KCNC2: variants seen among roughly 807,000 people sequenced by gnomAD.
The protein encoded by KCNC2 is voltage-gated potassium channel KCNC2.
In KCNC2, 21 loss-of-function variants were observed where a neutral mutation model predicts 44.5. The observed-to-expected ratio is 0.47, with a 90% CI of 0.33 to 0.68. KCNC2 has a LOEUF of 0.68. Among genes scored for constraint, KCNC2 ranks in the 30% least tolerant of loss-of-function variants. KCNC2 has a pLI of 0.01. For missense variants in KCNC2, 589 were observed against 826.2 expected (o/e 0.71, Z 3.52); for synonymous variants, 391 against 339.1 (o/e 1.15, Z -1.68).
At chr12:75,046,594 A>G (rs1162550317) in intron 4 of KCNC2, among the ~76,000 whole-genome samples, 1 of 151,828 alleles carries the variant, frequency 6.6e-6, no homozygotes, top group African/African-American at 2.4e-5. Flanking sequence ...TCTATATAAA[A>G]TATTAGTTTG....
chr12:75,135,392 T>C (rs11834009), intron 2 of KCNC2, among the ~76,000 whole-genome samples: 44 of 152,198 alleles, frequency 2.9e-4, no homozygotes, highest in African/African-American at 1.0e-3. Flanking sequence ...TACATTCAAA[T>C]ACATACTGCA....
chr12:75,107,961 A>G lies in KCNC2; in HGVS notation c.688-56644T>C, dbSNP rs1294014961. ...TATAAAAGACTTTTAAAAAAGAGGG[A>G]AAGGGAAAAGGAAAGAAAACAAGTA... On this transcript the variant is annotated intron_variant, in intron 2 of 4. Transcript: ENST00000549446. Among the ~76,000 whole-genome samples the G allele has an allele frequency of 6.6e-5, 10 of 152,308 alleles. No homozygotes were observed. In the South Asian group the frequency reaches 2.1e-3, roughly 32 times the overall value.
intron 2 of KCNC2, among the ~76,000 whole-genome samples, chr12:75,111,580 AT>A (rs1438037677): frequency 2.6e-5 from 4 of 151,958 alleles, no homozygotes; most frequent in South Asian, 2.1e-4. Context: ...TTTCAAAGTG[AT>A]TTTTTTCTCC....
Position 75,043,059 on chromosome 12 carries a change from T to C in KCNC2, c.*46A>G. On this transcript the variant is annotated 3_prime_UTR_variant, in exon 5 of 5. Transcript: ENST00000549446. Reference sequence around the variant, plus strand: ...ATTTCCATTATGGGGTAAACAGCACTTGAATTAATACAATTTAGCCGACTG... The same window carrying C: ...ATTTCCATTATGGGGTAAACAGCACCTGAATTAATACAATTTAGCCGACTG... 6.2e-7 allele frequency: 1 copy of C among 1,607,212 alleles called. No homozygotes were observed. The highest frequency in any genetic ancestry group is 8.5e-7 in the Non-Finnish European group (1 of 1,176,238).
intron 2 of KCNC2, among the ~76,000 whole-genome samples, chr12:75,181,313 G>C (rs1017135695): frequency 1.3e-5 from 2 of 151,936 alleles, no homozygotes; most frequent in Non-Finnish European, 2.9e-5. Flanking sequence ...TTATCTTTTG[G>C]CTTTTTTCAA....
At chr12:75,151,659 T>C (rs1310720507) in intron 2 of KCNC2, among the ~76,000 whole-genome samples, 12 of 151,584 alleles carry the variant, frequency 7.9e-5, no homozygotes, top group Non-Finnish European at 2.9e-5. Flanking sequence ...AGAAAGAAAT[T>C]ATTGGAATTA....
chr12:75,042,917 CT>C lies in KCNC2; in HGVS notation c.*187del, dbSNP rs1880074083. 7.2e-7 allele frequency: 1 copy of C among 1,394,706 alleles called. No individual in the cohort carries two copies. The highest frequency in any genetic ancestry group is 3.1e-5 in the Admixed American group (1 of 32,270). The allele number at this position is 1,394,706 out of a possible 1,614,324, so 86.4% of individuals were successfully genotyped here. A position where few individuals can be genotyped will look rare whatever the true frequency, so the allele number is the denominator to read the frequency against. On this transcript the variant is annotated 3_prime_UTR_variant, in exon 5 of 5. Coordinates refer to ENST00000549446, the MANE Select transcript of KCNC2 (RefSeq NM_139137.4). ...GGATCTTAGCACTACTTTAGACAAT[CT>C]TTAAAGCCTGGGTAAGATTCATTAG... is the stretch of plus-strand genomic sequence containing the variant.
At chr12:75,141,254 T>C (rs140991036) in intron 2 of KCNC2, among the ~76,000 whole-genome samples, 2 of 152,180 alleles carry the variant, frequency 1.3e-5, no homozygotes, top group African/African-American at 4.8e-5. Flanking sequence ...ACAATGTCAA[T>C]ACCCATCTCT....
chr12:75,060,888 G>A (rs981448050), intron 2 of KCNC2, among the ~76,000 whole-genome samples: 1 of 152,058 alleles, frequency 6.6e-6, no homozygotes, highest in African/African-American at 2.4e-5. Context: ...CTTTGCACAT[G>A]CAGTTCCTTC....
chr12:75,104,564 C>T (rs777536657), intron 2 of KCNC2, among the ~76,000 whole-genome samples: 6 of 152,034 alleles, frequency 3.9e-5, no homozygotes, highest in African/African-American at 9.6e-5. Context: ...GTTCAGTAGC[C>T]GCCAATATAC....
At chr12:75,107,216 A>G (rs892556688) in intron 2 of KCNC2, among the ~76,000 whole-genome samples, 2 of 152,176 alleles carry the variant, frequency 1.3e-5, no homozygotes, top group African/African-American at 4.8e-5. Context: ...AGGCAGCAGA[A>G]TCGTCTGAAC....
At chr12:75,201,054 A>G (rs2031202825) in intron 2 of KCNC2, among the ~76,000 whole-genome samples, 2 of 151,412 alleles carry the variant, frequency 1.3e-5, no homozygotes, top group South Asian at 4.2e-4. Context: ...TGAATCTTAG[A>G]CCTAAGAAAT....
intron 2 of KCNC2, among the ~76,000 whole-genome samples, chr12:75,202,914 GTGAGCT>G (rs1565695965): frequency 2.6e-4 from 39 of 151,268 alleles, no homozygotes; most frequent in African/African-American, 9.0e-4. Context: ...AAATAGAGAG[GTGAGCT>G]CATTGAAGGC....
intron 2 of KCNC2, among the ~76,000 whole-genome samples, chr12:75,187,459 T>G (rs1893029004): frequency 6.6e-6 from 1 of 152,206 alleles, no homozygotes; most frequent in South Asian, 2.1e-4. Flanking sequence ...TGTTCCAACC[T>G]TTTTCTTTGT....
intron 2 of KCNC2, among the ~76,000 whole-genome samples, chr12:75,105,859 A>C (rs1286908799): frequency 8.6e-5 from 13 of 152,020 alleles, no homozygotes; most frequent in Admixed American, 8.5e-4. Flanking sequence ...TGAATATAAG[A>C]ATCTAGGTTT....
intron 2 of KCNC2, among the ~76,000 whole-genome samples, chr12:75,188,196 T>G (rs1210688806): frequency 2.0e-5 from 3 of 152,180 alleles, no homozygotes; most frequent in Non-Finnish European, 4.4e-5. Flanking sequence ...TTATCGATCT[T>G]TATTTGAGCA....
rs1891140794 is a variant in KCNC2 at position 75,161,771 on chromosome 12, T to C, written c.687+45526A>G. On this transcript the variant is annotated intron_variant, in intron 2 of 4. Coordinates refer to ENST00000549446, the MANE Select transcript of KCNC2 (RefSeq NM_139137.4). ...TTTTAACTAGGAAATATATATTTACTCTCAATTTTCTCACTAAGAAAAAAC... is the reference window on the plus strand; with the variant it reads ...TTTTAACTAGGAAATATATATTTACCCTCAATTTTCTCACTAAGAAAAAAC... 2.0e-5 allele frequency among the ~76,000 whole-genome samples: 3 copies of C among 151,724 alleles called. No individual in the cohort carries two copies. In the South Asian group the frequency reaches 6.2e-4, roughly 31 times the overall value.
intron 2 of KCNC2, among the ~76,000 whole-genome samples, chr12:75,053,845 T>C (rs1453286596): frequency 1.3e-5 from 2 of 149,024 alleles, no homozygotes; most frequent in Admixed American, 6.7e-5. Flanking sequence ...GAAAATAAAA[T>C]AATATTTGAA....
At chr12:75,066,294 G>A (rs1313311165) in intron 2 of KCNC2, among the ~76,000 whole-genome samples, 1 of 151,942 alleles carries the variant, frequency 6.6e-6, no homozygotes, top group East Asian at 1.9e-4. Context: ...AACACTCAAA[G>A]CTTGAGCTAT....
Sources: allele counts gnomAD v4.1 joint callset (sites outside exome capture counted in the v4.1 genomes callset), GRCh38; gene constraint gnomAD v4.1.1; transcripts MANE v1.5; gene names NCBI Gene and HGNC (gene_info 2026-07-23, HGNC 2026-07-21).